GPI: variants seen among roughly 807,000 people sequenced by gnomAD.
The protein encoded by GPI is glucose-6-phosphate isomerase, also known as D-hexose-6-phosphate anomerase.
A neutral mutation model predicts 75.8 loss-of-function variants in GPI; 56 were observed. The observed-to-expected ratio is 0.74, with a 90% CI of 0.60 to 0.92. The LOEUF is 0.92. GPI is among the 40% of genes least tolerant of loss of function. The pLI is 0.00. For synonymous variants in GPI, 288 were observed against 285.4 expected (o/e 1.01, Z -0.09); for missense variants, 638 against 741.0 (o/e 0.86, Z 1.61).
At chr19:34,364,543 T>G (rs759785652), upstream of GPI, among the ~76,000 whole-genome samples, 56 of 152,096 alleles carry the variant, frequency 3.7e-4, no homozygotes, top group Non-Finnish European at 5.9e-4. Flanking sequence ...GGCTAATTTT[T>G]GCATTTTTTT....
chr19:34,383,709 G>A (rs1240191240), intron 9 of GPI, among the ~76,000 whole-genome samples: 1 of 152,194 alleles, frequency 6.6e-6, no homozygotes, highest in Non-Finnish European at 1.5e-5. Context: ...GGGGAGCTGG[G>A]GCAGGTGAGG....
intron 6 of GPI, among the ~76,000 whole-genome samples, chr19:34,378,611 A>C (rs1162841042): frequency 6.6e-6 from 1 of 152,132 alleles, no homozygotes; most frequent in African/African-American, 2.4e-5. Flanking sequence ...GAATGTACAT[A>C]AAATATGAAG....
At chr19:34,373,826 T>C (rs1223930023) in intron 4 of GPI, among the ~76,000 whole-genome samples, 3 of 152,206 alleles carry the variant, frequency 2.0e-5, no homozygotes, top group Non-Finnish European at 4.4e-5. Flanking sequence ...CTAGCAGTGC[T>C]GCCTTTGGGA....
upstream of GPI, among the ~76,000 whole-genome samples, chr19:34,363,596 C>T (rs575806124): frequency 7.2e-5 from 11 of 152,132 alleles, no homozygotes; most frequent in South Asian, 2.1e-3. Context: ...CTGAGGCAGG[C>T]GGATAATGAG....
chr19:34,381,951 TG>T (rs1053229206), intron 9 of GPI, among the ~76,000 whole-genome samples: 59 of 152,094 alleles, frequency 3.9e-4, no homozygotes, highest in African/African-American at 1.3e-3. Context: ...CAGGAGGAGC[TG>T]GGGGGGTGGC....
chr19:34,399,121 C>CA, intron 14 of GPI, 86 bp from the exon 15 acceptor site: 1 of 1,373,452 alleles, frequency 7.3e-7, no homozygotes, highest in Non-Finnish European at 1.0e-6. Context: ...TGGGACTGAC[C>CA]CCTGCTGAGA....
At chr19:34,391,621 C>T (rs796326417) in intron 9 of GPI, among the ~76,000 whole-genome samples, 5 of 568 alleles carry the variant, frequency 8.8e-3, no homozygotes, top group South Asian at 0.031. Flanking sequence ...TATGAGGATC[C>T]GGGTCTGTCA....
At chr19:34,364,519 G>T (rs2074325298), upstream of GPI, among the ~76,000 whole-genome samples, 1 of 151,560 alleles carries the variant, frequency 6.6e-6, no homozygotes, top group South Asian at 2.1e-4. Flanking sequence ...ATACAGGCAC[G>T]TGTCACCAGG....
rs1374343189 is a variant in GPI at position 34,368,739 on chromosome 19, G to A, written c.402+37G>A. Reference sequence around the variant, plus strand: ...CTGGGCCGGACTCACCCTTGGCCGTGTGTGTGAGTTATTTGGGAATCTGGG... The same window carrying A: ...CTGGGCCGGACTCACCCTTGGCCGTATGTGTGAGTTATTTGGGAATCTGGG... On this transcript the variant is annotated intron_variant, in intron 4 of 17. Coordinates refer to ENST00000356487, the MANE Select transcript of GPI (RefSeq NM_000175.5). 1.2e-6 allele frequency: 2 copies of A among 1,613,516 alleles called. No homozygotes were observed. The highest frequency in any genetic ancestry group is 1.7e-5 in the Admixed American group (1 of 60,028).
chr19:34,391,071 G>A (rs2074820144), intron 9 of GPI, among the ~76,000 whole-genome samples: 1 of 152,070 alleles, frequency 6.6e-6, no homozygotes, highest in Non-Finnish European at 1.5e-5. Flanking sequence ...ATGAGGATCT[G>A]CGTCTTCCAG....
intron 4 of GPI, among the ~76,000 whole-genome samples, chr19:34,373,214 C>T (rs1254789486): frequency 1.3e-5 from 2 of 151,762 alleles, no homozygotes; most frequent in Non-Finnish European, 2.9e-5. Context: ...TGGCAAAACC[C>T]GTCTCTACTA....
chr19:34,390,900 C>A (rs1259390508), intron 9 of GPI, among the ~76,000 whole-genome samples: 1 of 119,054 alleles, frequency 8.4e-6, no homozygotes, highest in African/African-American at 3.3e-5. Flanking sequence ...GGAGGTAGCA[C>A]CTGGCACAGG....
chr19:34,379,066 C>A, intron 7 of GPI, 61 bp downstream of exon 7: 2 of 1,408,992 alleles, frequency 1.4e-6, no homozygotes, highest in Non-Finnish European at 2.0e-6. Context: ...GCAGGGTGGG[C>A]CCCTGAGTGA....
intron 7 of GPI, among the ~76,000 whole-genome samples, 179 bp from the exon 8 acceptor site, chr19:34,379,339 C>CTTGTAAGAT (rs1270982232): frequency 6.6e-6 from 1 of 152,162 alleles, no homozygotes; most frequent in East Asian, 1.9e-4. Flanking sequence ...GATGAGCAGG[C>CTTGTAAGAT]GGCCTGTGAC....
chr19:34,379,061 G>T (rs753310401), intron 7 of GPI, 56 bp downstream of exon 7: 2 of 1,474,166 alleles, frequency 1.4e-6, no homozygotes, highest in South Asian at 2.3e-5. Context: ...GAAGAGCAGG[G>T]TGGGCCCCTG....
At chr19:34,381,969 G>A (rs1043275833) in intron 9 of GPI, among the ~76,000 whole-genome samples, 1 of 152,168 alleles carries the variant, frequency 6.6e-6, no homozygotes, top group Admixed American at 6.5e-5. Context: ...TGGCGTAGAG[G>A]AGGCGCCAGG....
chr19:34,377,175 G>A lies in GPI; in HGVS notation c.403-328G>A, dbSNP rs1343902421. Among the ~76,000 whole-genome samples, 5 of 150,010 alleles carry A rather than the reference G, an allele frequency of 3.3e-5. No individual in the cohort carries two copies. In the East Asian group the frequency reaches 9.7e-4, roughly 29 times the overall value. Reference sequence around the variant, plus strand: ...AAACTAGCTGGGTGTGGTGGCGGGCGCCTGTAGTCCCAGCTACTCAGGAGG... The same window carrying A: ...AAACTAGCTGGGTGTGGTGGCGGGCACCTGTAGTCCCAGCTACTCAGGAGG... On this transcript the variant is annotated intron_variant, in intron 4 of 17. Coordinates refer to ENST00000356487, the MANE Select transcript of GPI (RefSeq NM_000175.5).
chr19:34,382,787 A>G (rs2074674786), intron 9 of GPI, among the ~76,000 whole-genome samples: 1 of 152,020 alleles, frequency 6.6e-6, no homozygotes, highest in Non-Finnish European at 1.5e-5. Context: ...CCTCCCAGGT[A>G]AGGCCTAGGA....
intron 9 of GPI, among the ~76,000 whole-genome samples, chr19:34,388,306 A>G (rs997323013): frequency 6.6e-6 from 1 of 152,154 alleles, no homozygotes; most frequent in Admixed American, 6.5e-5. Flanking sequence ...GTGAAACCCC[A>G]TCTCCTAAAA....
Sources: allele counts gnomAD v4.1 joint callset (sites outside exome capture counted in the v4.1 genomes callset), GRCh38; gene constraint gnomAD v4.1.1; transcripts MANE v1.5; gene names NCBI Gene and HGNC (gene_info 2026-07-23, HGNC 2026-07-21).